Variants in AP3S2 observed in about 807,000 individuals in gnomAD.
AP3S2 encodes AP-3 complex subunit sigma-2.
Under a neutral mutation model 23.4 loss-of-function variants are expected in AP3S2, and 22 were observed. The observed-to-expected ratio is 0.94, with a 90% CI of 0.67 to 1.34. The LOEUF (loss-of-function observed/expected upper bound fraction) is 1.34, where lower values mean the gene tolerates loss of function less well. Ranked by LOEUF, AP3S2 falls within the 40% of genes most tolerant of loss-of-function variation. The pLI is 0.00. For synonymous variants in AP3S2, 86 were observed against 87.1 expected (o/e 0.99, Z 0.07); for missense variants, 241 against 236.9 (o/e 1.02, Z -0.11).
intron 3 of AP3S2, 62 bp downstream of exon 3, chr15:89,888,459 T>G (rs1596224053): frequency 3.3e-6 from 5 of 1,528,264 alleles, no homozygotes. Flanking sequence ...TACAGGCTGG[T>G]TACTCAAAAA....
chr15:89,842,293 A>G (rs1184152849), intron 4 of AP3S2, among the ~76,000 whole-genome samples: 1 of 152,218 alleles, frequency 6.6e-6, no homozygotes, highest in Non-Finnish European at 1.5e-5. Context: ...CATAAAAGAA[A>G]ACTTTAACAT....
chr15:89,874,839 T>A (rs541094255), intron 3 of AP3S2, among the ~76,000 whole-genome samples: 1 of 152,042 alleles, frequency 6.6e-6, no homozygotes, highest in Non-Finnish European at 1.5e-5. Context: ...TATAGATCAG[T>A]GGGGCAGAAT....
chr15:89,853,614 G>A (rs1355712859), intron 4 of AP3S2, among the ~76,000 whole-genome samples: 2 of 145,192 alleles, frequency 1.4e-5, no homozygotes, highest in Non-Finnish European at 3.0e-5. Flanking sequence ...TGCCCAGTCT[G>A]GAAAGTGAGG....
Position 89,837,643 on chromosome 15 carries a change from T to G in AP3S2, c.425A>C (p.Glu142Ala), listed in dbSNP as rs537215013. The G allele has an allele frequency of 6.2e-7, 1 of 1,614,152 alleles. No homozygotes were observed. Among genetic ancestry groups the G allele is most frequent in the African/African-American group, 1.3e-5 (1 of 75,044 alleles). ...TNMNEIVAQI[E>A]AQNRLEKSEG... Reference sequence around the variant, plus strand: ...GGATTTCTCCAGCCTGTTTTGAGCCTCAATCTGAGCCACGATTTCATTCAT... The same window carrying G: ...GGATTTCTCCAGCCTGTTTTGAGCCGCAATCTGAGCCACGATTTCATTCAT... Residue 142 changes from glutamate (E) to alanine (A), a missense_variant, in exon 5 of 6, where the codon GAG (glutamate) becomes GCG (alanine). By Grantham distance (107) the Glu-to-Ala change is moderately radical. Transcript: ENST00000336418.
intron 3 of AP3S2, among the ~76,000 whole-genome samples, chr15:89,872,374 AT>A (rs1228165705): frequency 4.0e-5 from 6 of 151,740 alleles, no homozygotes; most frequent in South Asian, 2.1e-4. Flanking sequence ...ACAACTTAAA[AT>A]TTTTTTTTAA....
At chr15:89,836,688 C>T (rs1457176573) in intron 5 of AP3S2, among the ~76,000 whole-genome samples, 2 of 152,198 alleles carry the variant, frequency 1.3e-5, no homozygotes, top group Non-Finnish European at 2.9e-5. Context: ...CGGATACCAA[C>T]TCTGCTTCTG....
chr15:89,844,272 TC>T, intron 4 of AP3S2, among the ~76,000 whole-genome samples: 1 of 19,394 alleles, frequency 5.2e-5, no homozygotes, highest in Admixed American at 7.1e-4. Flanking sequence ...TCTTTCTTTC[TC>T]TCTCTCTCTC....
chr15:89,862,322 CAA>C (rs1160609384), intron 4 of AP3S2, among the ~76,000 whole-genome samples: 1 of 152,034 alleles, frequency 6.6e-6, no homozygotes, highest in Non-Finnish European at 1.5e-5. Flanking sequence ...TATTGGAAAA[CAA>C]TATTTATTAA....
intron 4 of AP3S2, among the ~76,000 whole-genome samples, chr15:89,848,104 C>T (rs964758235): frequency 4.6e-5 from 7 of 152,344 alleles, no homozygotes; most frequent in African/African-American, 1.7e-4. Flanking sequence ...ATCAATCCCT[C>T]TCCAGGTCCC....
intron 4 of AP3S2, among the ~76,000 whole-genome samples, chr15:89,844,923 T>G (rs1315642897): frequency 1.3e-5 from 2 of 152,158 alleles, no homozygotes; most frequent in African/African-American, 4.8e-5. Flanking sequence ...TCTTTTTTTT[T>G]TTGGAAACAG....
At chr15:89,849,513 C>T (rs1895584082) in intron 4 of AP3S2, among the ~76,000 whole-genome samples, 1 of 151,876 alleles carries the variant, frequency 6.6e-6, no homozygotes, top group African/African-American at 2.4e-5. Context: ...ACTACAGGCG[C>T]CCACCACCAC....
At position 89,834,883 on chromosome 15, in the gene AP3S2, G is replaced by C. The variant is rs556034410; in HGVS notation, c.*632C>G. The stretch of plus-strand genomic sequence containing the variant: ...CCACAGCACTCCAGCCTGGGTGACA[G>C]AGCAAGACTCCACCTCAAAAAAAAA... On this transcript the variant is annotated 3_prime_UTR_variant, in exon 6 of 6. Coordinates refer to ENST00000336418, the MANE Select transcript of AP3S2 (RefSeq NM_005829.5). 6.6e-6 allele frequency: 1 copy of C among 151,494 alleles called. No individual in the cohort carries two copies. Among genetic ancestry groups the C allele is most frequent in the East Asian group, 1.9e-4 (1 of 5,176 alleles). 9.4% of individuals were successfully genotyped at this position (151,494 alleles called of 1,614,324 possible).
Position 89,889,100 on chromosome 15 carries a change from T to C in AP3S2, c.110A>G (p.His37Arg), listed in dbSNP as rs1490377581. 3 of 1,614,056 alleles carry C rather than the reference T, an allele frequency of 1.9e-6. No individual in the cohort carries two copies. Among genetic ancestry groups the C allele is most frequent in the Non-Finnish European group, 2.5e-6 (3 of 1,180,046 alleles). ...GTTGTCATCCCGCTTGAGGACTAGA[T>C]GGAAAGTCTCTCGAACAATCTGCTG... ...IQQQIVRETFHLVLKRDDNIC... is the reference protein window; with the variant it reads ...IQQQIVRETFRLVLKRDDNIC... Residue 37 changes from histidine (H) to arginine (R), a missense_variant, in exon 2 of 6, where the codon CAT becomes CGT. Physicochemically the swap from His to Arg is conservative, Grantham distance 29. Coordinates refer to ENST00000336418, the MANE Select transcript of AP3S2 (RefSeq NM_005829.5).
chr15:89,888,482 T>A, intron 3 of AP3S2, 39 bp downstream of exon 3: 1 of 1,599,392 alleles, frequency 6.3e-7, no homozygotes, highest in Non-Finnish European at 8.6e-7. Flanking sequence ...CCGTGGAAAC[T>A]CTCTAAAGCT....
Position 89,835,568 on chromosome 15 carries a change from T to C in AP3S2, c.529A>G (p.Ile177Val), listed in dbSNP as rs193280818. Reference sequence around the variant, plus strand: ...TTGATGTTGAGATCGCCAATGTTGATGTTCCGAGGAATCTCTGGCAGGTTG... The same window carrying C: ...TTGATGTTGAGATCGCCAATGTTGACGTTCCGAGGAATCTCTGGCAGGTTG... ...NINLPEIPRN[I>V]NIGDLNIKVP... The change falls in exon 6 of 6, where the codon ATC becomes GTC. Residue 177 changes from isoleucine to valine, a missense_variant. Physicochemically the swap from Ile to Val is conservative, Grantham distance 29. Coordinates refer to ENST00000336418, the MANE Select transcript of AP3S2 (RefSeq NM_005829.5). The C allele has an allele frequency of 4.8e-5, 78 of 1,613,968 alleles. No homozygotes were observed. In the East Asian group the frequency reaches 1.6e-3, roughly 32 times the overall value.
intron 3 of AP3S2, among the ~76,000 whole-genome samples, chr15:89,874,236 C>T (rs777295199): frequency 1.4e-4 from 21 of 151,814 alleles, no homozygotes; most frequent in Admixed American, 8.5e-4. Flanking sequence ...AGGTTTTCCG[C>T]AGATGTCTGA....
At chr15:89,844,754 T>A (rs1390223188) in intron 4 of AP3S2, among the ~76,000 whole-genome samples, 1 of 152,182 alleles carries the variant, frequency 6.6e-6, no homozygotes, top group African/African-American at 2.4e-5. Context: ...GAACTCAAAC[T>A]GCTGTGAAAC....
chr15:89,889,166 C>A, intron 1 of AP3S2, 26 bp from the exon 2 acceptor site: 1 of 1,613,648 alleles, frequency 6.2e-7, no homozygotes, highest in South Asian at 1.1e-5. Flanking sequence ...ATAAGTGAAT[C>A]AGTGGGCAAG....
intron 4 of AP3S2, among the ~76,000 whole-genome samples, chr15:89,849,583 G>A (rs183462371): frequency 1.4e-4 from 22 of 152,116 alleles, no homozygotes; most frequent in South Asian, 6.2e-4. Context: ...TAGCCAGGAT[G>A]GTCTCGATCT....
Sources: allele counts gnomAD v4.1 joint callset (sites outside exome capture counted in the v4.1 genomes callset), GRCh38; gene constraint gnomAD v4.1.1; transcripts MANE v1.5; gene names NCBI Gene and HGNC (gene_info 2026-07-23, HGNC 2026-07-21).